Variants in MAP2K2 observed in about 807,000 individuals in gnomAD.
The protein encoded by MAP2K2 is dual specificity mitogen-activated protein kinase kinase 2.
MAP2K2 carries 24 observed loss-of-function variants against 43.7 expected under a neutral mutation model. The ratio of observed to expected loss-of-function variants is 0.55; its 90% CI spans 0.40 to 0.77. The LOEUF is 0.77. MAP2K2 is among the 30% of genes least tolerant of loss of function. The pLI is 0.00. For synonymous variants in MAP2K2, 244 were observed against 239.7 expected (o/e 1.02, Z -0.17); for missense variants, 470 against 566.8 (o/e 0.83, Z 1.73).
rs1196112914 is a variant in MAP2K2, at chr19:4,101,752, G to A, written c.529-472C>T. Among the ~76,000 whole-genome samples the A allele has an allele frequency of 6.6e-6, 1 of 152,176 alleles. No homozygotes were observed. Among genetic ancestry groups the A allele is most frequent in the Admixed American group, 6.5e-5 (1 of 15,276 alleles). ...TGGAAGCAGCATCCCGAGAAGTGAAGCAAGCAGCACAGGCAGTGTGACGGC... is the reference window on the plus strand; with the variant it reads ...TGGAAGCAGCATCCCGAGAAGTGAAACAAGCAGCACAGGCAGTGTGACGGC... On this transcript the variant is annotated intron_variant, in intron 4 of 10. Coordinates refer to ENST00000262948, the MANE Select transcript of MAP2K2 (RefSeq NM_030662.4). The surrounding 1 kb of genome is among the most constrained non-coding windows in gnomAD (Gnocchi z 6.3).
chr19:4,094,437 C>T lies in MAP2K2; in HGVS notation c.1092+16G>A, dbSNP rs755758122. 1.8e-5 allele frequency: 28 copies of T among 1,556,348 alleles called. No individual in the cohort carries two copies. The highest frequency in any genetic ancestry group is 4.7e-5 in the South Asian group (4 of 84,434). On this transcript the variant is annotated intron_variant, in intron 10 of 10. Transcript: ENST00000262948. Reference sequence around the variant, plus strand: ...CCTGCACCCTCCCGGTCCCAGAACCCGCTGGCATCACTCACTGTGAGCATC... The same window carrying T: ...CCTGCACCCTCCCGGTCCCAGAACCTGCTGGCATCACTCACTGTGAGCATC...
At chr19:4,110,780 T>C (rs2145070872) in intron 2 of MAP2K2, 125 bp from the exon 3 acceptor site, 1 of 985,458 alleles carries the variant, frequency 1.0e-6, no homozygotes, top group Non-Finnish European at 1.5e-6. Flanking sequence ...CCCTCCGCAA[T>C]TCCACCCCTA....
intron 3 of MAP2K2, among the ~76,000 whole-genome samples, chr19:4,106,172 G>A (rs1361284675): frequency 1.3e-5 from 2 of 152,160 alleles, no homozygotes; most frequent in African/African-American, 4.8e-5. Flanking sequence ...TTGGGAGGCC[G>A]AGGCAGGAGG....
At chr19:4,123,607 C>A (rs1599312835) in intron 1 of MAP2K2, among the ~76,000 whole-genome samples, 177 bp downstream of exon 1, 1 of 118,722 alleles carries the variant, frequency 8.4e-6, no homozygotes. Flanking sequence ...CCCCGAGGGT[C>A]CCCTGCCCTG....
intron 7 of MAP2K2, among the ~76,000 whole-genome samples, chr19:4,098,426 GA>G (rs780392288): frequency 6.6e-6 from 1 of 152,116 alleles, no homozygotes; most frequent in Non-Finnish European, 1.5e-5. Context: ...TTGTAGTTCG[GA>G]AACATGGTTT....
rs1173908108 is a variant in MAP2K2 at position 4,124,111 on chromosome 19, C to G, written c.-236G>C. The G allele has an allele frequency of 9.3e-6, 2 of 214,902 alleles. No homozygotes were observed. Among genetic ancestry groups the G allele is most frequent in the African/African-American group, 4.5e-5 (2 of 44,236 alleles). The allele number at this position is 214,902 out of a possible 1,614,324, so 13.3% of individuals were successfully genotyped here. A position where few individuals can be genotyped will look rare whatever the true frequency, so the allele number is the denominator to read the frequency against. Reference sequence around the variant, plus strand: ...CCCGAAGAAGGCTGACGCCGCAGCCCGAGTCCGAGAGGCAGGGGGAGGGGA... The same window carrying G: ...CCCGAAGAAGGCTGACGCCGCAGCCGGAGTCCGAGAGGCAGGGGGAGGGGA... On this transcript the variant is annotated 5_prime_UTR_variant, in exon 1 of 11. Transcript: ENST00000262948.
At chr19:4,099,626 G>A (rs900415512) in intron 6 of MAP2K2, 5 of 595,064 alleles carry the variant, frequency 8.4e-6, no homozygotes, top group Admixed American at 2.9e-5. Flanking sequence ...GAGGCCTGGA[G>A]CTGGTGTTGA....
At chr19:4,096,975 G>A (rs376143595) in intron 8 of MAP2K2, among the ~76,000 whole-genome samples, 13 of 151,326 alleles carry the variant, frequency 8.6e-5, no homozygotes, top group African/African-American at 3.2e-4. Flanking sequence ...GGGAGGCGGA[G>A]GTTGCAGTGA....
At position 4,110,358 on chromosome 19, in the gene MAP2K2, C is replaced by T. The variant is rs985333616; in HGVS notation, c.450+151G>A. 2.1e-5 allele frequency: 19 copies of T among 906,438 alleles called. No individual in the cohort carries two copies. In the African/African-American group the frequency reaches 3.0e-4, roughly 14 times the overall value. 56.1% of individuals were successfully genotyped at this position (906,438 alleles called of 1,614,324 possible). ...AACCAAAGGCATCTACATATACATACTTGTATGGCATCGACTGCCTTGAGA... is the reference window on the plus strand; with the variant it reads ...AACCAAAGGCATCTACATATACATATTTGTATGGCATCGACTGCCTTGAGA... On this transcript the variant is annotated intron_variant, in intron 3 of 10. Transcript: ENST00000262948.
chr19:4,109,699 C>T (rs966269860), intron 3 of MAP2K2, among the ~76,000 whole-genome samples: 1 of 152,142 alleles, frequency 6.6e-6, no homozygotes, highest in African/African-American at 2.4e-5. Context: ...TGGTATCGAA[C>T]TCCTGGGCTT....
chr19:4,097,210 A>AG (rs1458829461), intron 8 of MAP2K2, 69 bp downstream of exon 8: 2 of 1,080,986 alleles, frequency 1.9e-6, no homozygotes, highest in African/African-American at 3.3e-5. Flanking sequence ...CTGCCTAAAA[A>AG]AAAAAAAAAA....
intron 10 of MAP2K2, among the ~76,000 whole-genome samples, chr19:4,094,039 G>A (rs1568249249): frequency 6.6e-6 from 1 of 152,154 alleles, no homozygotes; most frequent in Admixed American, 6.5e-5. Flanking sequence ...AAGTACGCAC[G>A]GCCTCGGGGG....
At chr19:4,091,971 C>T (rs1032146438) in intron 10 of MAP2K2, among the ~76,000 whole-genome samples, 7 of 152,182 alleles carry the variant, frequency 4.6e-5, no homozygotes, top group Admixed American at 1.3e-4. Flanking sequence ...CTTCAACAGC[C>T]ACGTGTGACC....
In MAP2K2 at chr19:4,104,377, G is replaced by GC. The variant is rs1282524685; in HGVS notation, c.451-1925dup. Among the ~76,000 whole-genome samples the GC allele has an allele frequency of 2.0e-5, 3 of 149,854 alleles. No homozygotes were observed. In the East Asian group the frequency reaches 6.0e-4, roughly 30 times the overall value. On this transcript the variant is annotated intron_variant, in intron 3 of 10. Transcript: ENST00000262948. The stretch of plus-strand genomic sequence containing the variant: ...GCTGAGGAGTTTGAGACCATCCCGA[G>GC]CCACACAGTGAGACCCCATACCAAA...
intron 3 of MAP2K2, 100 bp from the exon 4 acceptor site, chr19:4,102,553 A>G: frequency 1.9e-6 from 2 of 1,030,690 alleles, no homozygotes; most frequent in Non-Finnish European, 2.9e-6. Flanking sequence ...CTGCCTCCTG[A>G]CGGGAAGCAG....
intron 2 of MAP2K2, among the ~76,000 whole-genome samples, 175 bp downstream of exon 2, chr19:4,117,244 C>T (rs897370546): frequency 2.1e-4 from 32 of 152,092 alleles, no homozygotes; most frequent in African/African-American, 7.3e-4. Context: ...TGGCACGGCT[C>T]CCATCTGCCC....
At chr19:4,107,537 A>T (rs1458928778) in intron 3 of MAP2K2, among the ~76,000 whole-genome samples, 2 of 151,006 alleles carry the variant, frequency 1.3e-5, no homozygotes, top group Non-Finnish European at 2.9e-5. Flanking sequence ...AAAAAAAAAA[A>T]AAAAAAAAAC....
At chr19:4,118,119 G>A (rs1027315978) in intron 1 of MAP2K2, among the ~76,000 whole-genome samples, 1 of 152,048 alleles carries the variant, frequency 6.6e-6, no homozygotes, top group African/African-American at 2.4e-5. Context: ...TGTATTTTCA[G>A]TAGAGACAGG....
At chr19:4,091,227 T>C (rs1378728979) in intron 10 of MAP2K2, among the ~76,000 whole-genome samples, 1 of 152,240 alleles carries the variant, frequency 6.6e-6, no homozygotes, top group Non-Finnish European at 1.5e-5. Flanking sequence ...GCGAAGAGCA[T>C]TGTACAGGCA....
Sources: allele counts gnomAD v4.1 joint callset (sites outside exome capture counted in the v4.1 genomes callset), GRCh38; gene constraint gnomAD v4.1.1; non-coding constraint Gnocchi (gnomAD v3.1); transcripts MANE v1.5; gene names NCBI Gene and HGNC (gene_info 2026-07-23, HGNC 2026-07-21).